The following TNRC6B variants were observed in gnomAD, a reference collection of about 807,000 sequenced individuals.
TNRC6B encodes the protein trinucleotide repeat-containing gene 6B protein.
In TNRC6B, 52 loss-of-function variants were observed where a neutral mutation model predicts 203.6. That is an observed-to-expected ratio of 0.26 (90% CI 0.20 to 0.32). The LOEUF (loss-of-function observed/expected upper bound fraction) is 0.32. Among genes scored for constraint, TNRC6B ranks in the 10% least tolerant of loss-of-function variants. The probability of loss-of-function intolerance (pLI) is 1.00; values close to 1 mark genes in which losing one functional copy is unlikely to be tolerated. For synonymous variants in TNRC6B, 838 were observed against 845.7 expected (o/e 0.99, Z 0.16); for missense variants, 1,923 against 2,286.2 (o/e 0.84, Z 3.24).
At chr22:40,270,421 G>A in intron 6 of TNRC6B, 141 bp downstream of exon 6, 1 of 848,378 alleles carries the variant, frequency 1.2e-6, no homozygotes. Context: ...CCAGCTTCAA[G>A]CGATTCTCCT....
chr22:40,151,456 C>T (rs1181066511), intron 3 of TNRC6B, among the ~76,000 whole-genome samples: 1 of 148,792 alleles, frequency 6.7e-6, no homozygotes, highest in African/African-American at 2.5e-5. Context: ...GGGAGAATCT[C>T]TTGAAGCGGA....
chr22:40,072,763 C>T (rs1204328844), intron 1 of TNRC6B, among the ~76,000 whole-genome samples: 2 of 143,276 alleles, frequency 1.4e-5, no homozygotes, highest in Admixed American at 1.5e-4. Context: ...ACTCAGGAGG[C>T]GGAGGCAGGG....
At chr22:40,141,809 C>T (rs1298238147) in intron 3 of TNRC6B, among the ~76,000 whole-genome samples, 1 of 152,100 alleles carries the variant, frequency 6.6e-6, no homozygotes, top group Non-Finnish European at 1.5e-5. Context: ...GTGTCTTGCT[C>T]TGTCACCCAG....
chr22:40,094,320 A>G (rs961579745), intron 1 of TNRC6B, among the ~76,000 whole-genome samples: 2 of 152,186 alleles, frequency 1.3e-5, no homozygotes, highest in Non-Finnish European at 2.9e-5. Context: ...GAATGCTGCC[A>G]ATTAATTGTA....
intron 7 of TNRC6B, among the ~76,000 whole-genome samples, chr22:40,275,503 T>A (rs1397125830): frequency 6.6e-6 from 1 of 152,210 alleles, no homozygotes; most frequent in African/African-American, 2.4e-5. Flanking sequence ...CGTACATTTT[T>A]AAGTGTACAG....
chr22:40,133,902 G>A (rs755323806), intron 3 of TNRC6B, among the ~76,000 whole-genome samples: 11 of 150,454 alleles, frequency 7.3e-5, no homozygotes, highest in South Asian at 2.1e-4. Context: ...CCCAGGAGGC[G>A]GAGGTTGTGG....
At chr22:40,185,095 A>T (rs964617217) in intron 1 of TNRC6B, among the ~76,000 whole-genome samples, 2 of 152,136 alleles carry the variant, frequency 1.3e-5, no homozygotes, top group African/African-American at 4.8e-5. Context: ...GGTTCAAGCG[A>T]TTCTCCTGTC....
chr22:40,313,655 T>C lies in TNRC6B; in HGVS notation c.4678+658T>C, dbSNP rs142643045. 1.4e-4 allele frequency among the ~76,000 whole-genome samples: 22 copies of C among 152,354 alleles called. No individual in the cohort carries two copies. The East Asian group carries it at 4.2e-3, about 29-fold the overall frequency. ...TTAAAGTCATTATGACTTACGTGCT[T>C]TGCCCAGGCAAAAGCAAATAAAGTA... On this transcript the variant is annotated intron_variant, in intron 19 of 22. Transcript: ENST00000454349.
chr22:40,323,130 C>A lies in TNRC6B; in HGVS notation c.5391C>A (p.Asn1797Lys). The A allele has an allele frequency of 6.2e-7, 1 of 1,613,600 alleles. No homozygotes were observed. ...LAGASLWGPP[N>K]YSSSLWGVPT... The stretch of plus-strand genomic sequence containing the variant: ...GCGCTTCATTGTGGGGGCCCCCAAA[C>A]TATTCTTCTAGCTTATGGGGAGTCC... The change falls in exon 23 of 23, where the codon AAC becomes AAA. Residue 1797 changes from asparagine to lysine, a missense_variant. Coordinates refer to ENST00000454349, the MANE Select transcript of TNRC6B (RefSeq NM_001162501.2).
chr22:40,147,686 C>T (rs566523157), intron 3 of TNRC6B, among the ~76,000 whole-genome samples: 4 of 152,206 alleles, frequency 2.6e-5, no homozygotes, highest in Admixed American at 6.5e-5. Context: ...GAAGGCCCCA[C>T]CTCCCAACAC....
chr22:40,118,115 T>G (rs6001776), intron 2 of TNRC6B, among the ~76,000 whole-genome samples: 18,393 of 152,082 alleles, frequency 0.12, 3,609 homozygotes, highest in African/African-American at 0.42. Flanking sequence ...GGTAGGATGA[T>G]AAATTGATGA....
At chr22:40,151,083 G>T (rs932888912) in intron 3 of TNRC6B, among the ~76,000 whole-genome samples, 2 of 152,310 alleles carry the variant, frequency 1.3e-5, no homozygotes, top group South Asian at 2.1e-4. Flanking sequence ...GGAACTTGGA[G>T]GAAACAGAGA....
In TNRC6B at chr22:40,169,386, T is replaced by C. The variant is rs560598927; in HGVS notation, c.113+13204T>C. ...ACCTCATGATCCACCCACCTCGGCC[T>C]TCCAAAGTGCTGGGATCACAGGTGT... On this transcript the variant is annotated intron_variant, in intron 4 of 23. Transcript: ENST00000301923. Among the ~76,000 whole-genome samples the C allele has an allele frequency of 5.3e-4, 80 of 152,254 alleles. 3 individuals are homozygous for C. In the South Asian group the frequency reaches 0.016, roughly 31 times the overall value.
intron 1 of TNRC6B, among the ~76,000 whole-genome samples, chr22:40,046,638 A>G (rs1601781321): frequency 7.3e-6 from 1 of 137,762 alleles, no homozygotes; most frequent in African/African-American, 2.8e-5. Context: ...TTTGAGACAG[A>G]GTCTCAATTT....
intron 1 of TNRC6B, among the ~76,000 whole-genome samples, chr22:40,224,762 A>G (rs927911091): frequency 6.6e-6 from 1 of 151,990 alleles, no homozygotes; most frequent in Non-Finnish European, 1.5e-5. Flanking sequence ...TAAATACTTT[A>G]TCCATCTGGA....
chr22:40,167,556 G>A (rs2068930417), intron 4 of TNRC6B, among the ~76,000 whole-genome samples: 1 of 151,998 alleles, frequency 6.6e-6, no homozygotes, highest in African/African-American at 2.4e-5. Flanking sequence ...CTTAAAAATG[G>A]TTAAGATGAT....
At chr22:40,311,131 G>A (rs1373150890) in intron 17 of TNRC6B, 138 bp downstream of exon 17, 2 of 1,040,732 alleles carry the variant, frequency 1.9e-6, no homozygotes, top group Non-Finnish European at 2.7e-6. Context: ...TTGTCTGTTA[G>A]AAGCAAGGCA....
intron 1 of TNRC6B, among the ~76,000 whole-genome samples, chr22:40,108,106 A>G (rs1057188671): frequency 6.6e-6 from 1 of 152,118 alleles, no homozygotes; most frequent in African/African-American, 2.4e-5. Flanking sequence ...CAGGGAGATG[A>G]TTTTGCAGTT....
In TNRC6B at chr22:40,261,893, T is replaced by C; in HGVS notation, c.177T>C (p.Ser59=). 6.3e-7 allele frequency: 1 copy of C among 1,598,486 alleles called. No homozygotes were observed. The highest frequency in any genetic ancestry group is 8.6e-7 in the Non-Finnish European group (1 of 1,167,448). Residue 59 remains serine (S), a synonymous_variant, in exon 4 of 23, where the codon TCT becomes TCC. Transcript: ENST00000454349. The part of the protein sequence containing the change: ...QPTAASPIGS[S]PSPPVNGGNN... ...CGGCCGCCAGCCCAATTGGCAGCTC[T>C]CCATCGCCACCAGTCAATGGTGGCA...
Sources: allele counts gnomAD v4.1 joint callset (sites outside exome capture counted in the v4.1 genomes callset), GRCh38; gene constraint gnomAD v4.1.1; transcripts MANE v1.5; gene names NCBI Gene and HGNC (gene_info 2026-07-23, HGNC 2026-07-21).